CD5: variants seen among roughly 807,000 people sequenced by gnomAD.
CD5 encodes CD5 molecule.
In CD5, 36 loss-of-function variants were observed where a neutral mutation model predicts 60.3. That is an observed-to-expected ratio of 0.60 (90% CI 0.46 to 0.79). The LOEUF (loss-of-function observed/expected upper bound fraction) is 0.79, where lower values mean the gene tolerates loss of function less well. Among genes scored for constraint, CD5 ranks in the 30% least tolerant of loss-of-function variants. The pLI is 0.00. For missense variants in CD5, 540 were observed against 630.6 expected (o/e 0.86, Z 1.54); for synonymous variants, 230 against 257.6 (o/e 0.89, Z 1.03).
At chr11:61,116,680 TAC>T (rs1565185146) in intron 2 of CD5, among the ~76,000 whole-genome samples, 2 of 42,882 alleles carry the variant, frequency 4.7e-5, no homozygotes, top group East Asian at 7.8e-4. Flanking sequence ...ACACACACAC[TAC>T]ACACACCACA....
rs189753239 is a variant in CD5, at chr11:61,102,672, G to T, written c.55+57G>T. ...CCCGGGCTCGCTCCAGTGCAAGGAAGGAGTTCCCAGTTTTACCCAAGGCTG... is the reference window on the plus strand; with the variant it reads ...CCCGGGCTCGCTCCAGTGCAAGGAATGAGTTCCCAGTTTTACCCAAGGCTG... On this transcript the variant is annotated intron_variant, in intron 1 of 10. Coordinates refer to ENST00000347785, the MANE Select transcript of CD5 (RefSeq NM_014207.4). 47 of 1,425,120 alleles carry T rather than the reference G, an allele frequency of 3.3e-5. 1 individual carries two copies. In the Middle Eastern group the frequency reaches 1.2e-3, roughly 37 times the overall value. 88.3% of individuals were successfully genotyped at this position (1,425,120 alleles called of 1,614,324 possible). A position where few individuals can be genotyped will look rare whatever the true frequency, so the allele number is the denominator to read the frequency against.
chr11:61,100,533 TCACACACATAAACATGGAGATCACA>T (rs1565181030), upstream of CD5, among the ~76,000 whole-genome samples: 124 of 102,648 alleles, frequency 1.2e-3, 3 homozygotes, highest in African/African-American at 4.6e-3. Context: ...GAGATCACAT[TCACACACATAAACATGGAGATCACA>T]CACACACATC....
intron 1 of CD5, among the ~76,000 whole-genome samples, chr11:61,106,124 C>CAAAAAAA: frequency 1.2e-5 from 1 of 81,886 alleles, no homozygotes; most frequent in Non-Finnish European, 2.4e-5. Context: ...GACTCCATCT[C>CAAAAAAA]AAAAAAAAAA....
chr11:61,095,366 G>A, the CD5 span, among the ~76,000 whole-genome samples: 1 of 152,190 alleles, frequency 6.6e-6, no homozygotes, highest in African/African-American at 2.4e-5. Flanking sequence ...TGGTGGAAAG[G>A]CGTGCCTTTG....
At position 61,122,954 on chromosome 11, in the gene CD5, A is replaced by G; in HGVS notation, c.1147A>G (p.Ile383Val). 2 of 1,614,126 alleles carry G rather than the reference A, an allele frequency of 1.2e-6. No individual in the cohort carries two copies. Among genetic ancestry groups the G allele is most frequent in the South Asian group, 2.2e-5 (2 of 91,086 alleles). ...CCTGGCCGCAGGCACGGTGGCAAGCATCATCCTGGCCCTGGTGCTCCTGGT... is the reference window on the plus strand; with the variant it reads ...CCTGGCCGCAGGCACGGTGGCAAGCGTCATCCTGGCCCTGGTGCTCCTGGT... ...AGLAAGTVAS[I>V]ILALVLLVVL... is the part of the protein sequence containing the mutation. Residue 383 changes from isoleucine (I) to valine (V), a missense_variant, in exon 7 of 11, where the codon ATC becomes GTC. Physicochemically the swap from Ile to Val is conservative, Grantham distance 29. Coordinates refer to ENST00000347785, the MANE Select transcript of CD5 (RefSeq NM_014207.4).
chr11:61,123,991 A>T, intron 8 of CD5, 54 bp downstream of exon 8: 1 of 1,425,106 alleles, frequency 7.0e-7, no homozygotes, highest in Admixed American at 1.7e-5. Context: ...GAGGCCATGG[A>T]GGCAGAGTCG....
At chr11:61,120,324 AG>A (rs1435799208) in intron 5 of CD5, among the ~76,000 whole-genome samples, 2 of 152,200 alleles carry the variant, frequency 1.3e-5, no homozygotes, top group African/African-American at 4.8e-5. Flanking sequence ...TTCTCAGTGA[AG>A]TCCACACTGT....
chr11:61,123,811 A>AT, intron 7 of CD5, 73 bp from the exon 8 acceptor site: 168 of 261,668 alleles, frequency 6.4e-4, no homozygotes, highest in Admixed American at 1.4e-3. Flanking sequence ...GCCCAGCCCC[A>AT]TCCCCACCCC....
At chr11:61,116,680 TACACACACCAC>T (rs1860963960) in intron 2 of CD5, among the ~76,000 whole-genome samples, 1 of 42,882 alleles carries the variant, frequency 2.3e-5, no homozygotes, top group Non-Finnish European at 4.4e-5. Context: ...ACACACACAC[TACACACACCAC>T]ATACACACCA....
At chr11:61,099,452 A>C (rs1157699890), upstream of CD5, among the ~76,000 whole-genome samples, 1 of 146,726 alleles carries the variant, frequency 6.8e-6, no homozygotes, top group Non-Finnish European at 1.5e-5. Context: ...ATCAACATGG[A>C]GATTACACAT....
intron 1 of CD5, among the ~76,000 whole-genome samples, chr11:61,105,149 C>A (rs1246111724): frequency 1.3e-5 from 2 of 152,344 alleles, no homozygotes; most frequent in African/African-American, 2.4e-5. Flanking sequence ...TGAAGATGCC[C>A]CCAGCAGGCC....
At chr11:61,125,246 CA>C in intron 9 of CD5, 95 bp downstream of exon 9, 2 of 1,407,238 alleles carry the variant, frequency 1.4e-6, no homozygotes, top group Non-Finnish European at 2.0e-6. Context: ...GGTGATGGCC[CA>C]AAGACAGAAT....
Position 61,118,841 on chromosome 11 carries a change from C to A in CD5, c.401-74C>A. On this transcript the variant is annotated intron_variant, in intron 3 of 10. Transcript: ENST00000347785. This position sits in a 1 kb window ranked among gnomAD's most constrained non-coding sequence, Gnocchi z 4.7. ...GCACTCATGCCAGGAGCTCCTGGTC[C>A]TCTCAAGGCTGCTGGCTGCCCCCGG... is the stretch of plus-strand genomic sequence containing the variant. 2 of 1,042,434 alleles carry A rather than the reference C, an allele frequency of 1.9e-6. No individual in the cohort carries two copies. The highest frequency in any genetic ancestry group is 2.9e-6 in the Non-Finnish European group (2 of 678,086). 64.6% of individuals were successfully genotyped at this position (1,042,434 alleles called of 1,614,324 possible).
intron 5 of CD5, 31 bp from the exon 6 acceptor site, chr11:61,121,580 C>G: frequency 7.0e-7 from 1 of 1,433,320 alleles, no homozygotes; most frequent in Non-Finnish European, 9.2e-7. Flanking sequence ...TTCACACTTG[C>G]ACCCTCCTTT....
chr11:61,104,639 T>C (rs1045560332), intron 1 of CD5, among the ~76,000 whole-genome samples: 3 of 152,200 alleles, frequency 2.0e-5, no homozygotes, highest in African/African-American at 7.2e-5. Context: ...GAATACTCAG[T>C]TCCCAGTGTC....
intron 1 of CD5, among the ~76,000 whole-genome samples, chr11:61,112,617 CT>C (rs1478886319): frequency 6.6e-6 from 1 of 151,248 alleles, no homozygotes; most frequent in African/African-American, 2.4e-5. Flanking sequence ...GCATTCCAGA[CT>C]GGGCAAGAGA....
At chr11:61,102,306 C>T, upstream of CD5, 1 of 554,102 alleles carries the variant, frequency 1.8e-6, no homozygotes. Context: ...CTGCCCCAGC[C>T]CTGGGTACCT....
intron 5 of CD5, among the ~76,000 whole-genome samples, chr11:61,120,446 C>T (rs1861041308): frequency 6.6e-6 from 1 of 152,146 alleles, no homozygotes; most frequent in Non-Finnish European, 1.5e-5. Flanking sequence ...AGTGAGGAGG[C>T]TGAGGTTTAG....
chr11:61,124,328 A>G (rs905888412), intron 8 of CD5, among the ~76,000 whole-genome samples: 3 of 152,220 alleles, frequency 2.0e-5, no homozygotes, highest in African/African-American at 7.2e-5. Flanking sequence ...CTGGAAAACC[A>G]TGAGTTAGGC....
Sources: gnomAD v4.1 joint callset for allele counts (sites outside exome capture counted in the v4.1 genomes callset) on GRCh38, gnomAD v4.1.1 for gene constraint, Gnocchi (gnomAD v3.1) non-coding constraint, MANE v1.5 for transcripts, NCBI Gene and HGNC (gene_info 2026-07-23, HGNC 2026-07-21) for gene names.